Variants in PTPRK observed in about 807,000 individuals in gnomAD.
The protein encoded by PTPRK is protein tyrosine phosphatase receptor type K, also known as receptor-type tyrosine-protein phosphatase kappa.
A neutral mutation model predicts 178.0 loss-of-function variants in PTPRK; 75 were observed. The ratio of observed to expected loss-of-function variants is 0.42; its 90% confidence interval spans 0.35 to 0.51. PTPRK has a LOEUF of 0.51. Among genes scored for constraint, PTPRK ranks in the 20% least tolerant of loss-of-function variants. The pLI is 0.02. For synonymous variants in PTPRK, 637 were observed against 620.6 expected (o/e 1.03, Z -0.39); for missense variants, 1,441 against 1,797.8 (o/e 0.80, Z 3.59).
At chr6:128,368,934 A>G (rs1835884386) in intron 2 of PTPRK, among the ~76,000 whole-genome samples, 1 of 149,196 alleles carries the variant, frequency 6.7e-6, no homozygotes, top group Non-Finnish European at 1.5e-5. Flanking sequence ...ACAAAACAAA[A>G]CAAAAAACAA....
intron 3 of PTPRK, among the ~76,000 whole-genome samples, chr6:128,284,361 C>G (rs1291901570): frequency 6.6e-6 from 1 of 152,154 alleles, no homozygotes; most frequent in African/African-American, 2.4e-5. Flanking sequence ...CCCCAGCCAC[C>G]CTTCACAATC....
chr6:128,000,059 T>A, intron 15 of PTPRK: 1 of 968,270 alleles, frequency 1.0e-6, no homozygotes, highest in African/African-American at 1.8e-5. Flanking sequence ...CTCATATTTA[T>A]CACATTTAAA....
intron 22 of PTPRK, 119 bp from the exon 23 acceptor site, chr6:127,983,496 A>G (rs1415785122): frequency 2.9e-6 from 3 of 1,040,816 alleles, no homozygotes; most frequent in Non-Finnish European, 4.2e-6. Flanking sequence ...ACTGCAAGGC[A>G]CAGCACTTGT....
intron 11 of PTPRK, 66 bp from the exon 12 acceptor site, chr6:128,067,858 A>G (rs912354066): frequency 7.1e-7 from 1 of 1,403,776 alleles, no homozygotes; most frequent in Non-Finnish European, 9.4e-7. Flanking sequence ...TAAGATACTA[A>G]GATTTTTTTT....
At chr6:128,428,620 A>G (rs1295882393) in intron 1 of PTPRK, among the ~76,000 whole-genome samples, 1 of 152,222 alleles carries the variant, frequency 6.6e-6, no homozygotes, top group African/African-American at 2.4e-5. Context: ...CAGACAAACT[A>G]ACAGCAAGTA....
intron 1 of PTPRK, among the ~76,000 whole-genome samples, chr6:128,420,524 C>T (rs1003242658): frequency 2.0e-5 from 3 of 152,108 alleles, no homozygotes; most frequent in Admixed American, 1.3e-4. Context: ...TTTGCCATTG[C>T]CCTCAGAATG....
chr6:128,250,785 A>G (rs920049714), intron 3 of PTPRK, among the ~76,000 whole-genome samples: 2 of 152,220 alleles, frequency 1.3e-5, no homozygotes, highest in Admixed American at 1.3e-4. Context: ...GAATCTAGTT[A>G]CTTTTCAAAT....
chr6:128,057,491 G>A (rs1365323852), intron 13 of PTPRK, among the ~76,000 whole-genome samples: 1 of 152,172 alleles, frequency 6.6e-6, no homozygotes, highest in African/African-American at 2.4e-5. Context: ...GCAAGAAGGG[G>A]TCCATGTGAC....
chr6:128,441,678 C>T (rs138437824), intron 1 of PTPRK, among the ~76,000 whole-genome samples: 53 of 152,164 alleles, frequency 3.5e-4, no homozygotes, highest in African/African-American at 1.1e-3. Flanking sequence ...TAACACAGTC[C>T]GCAAACAAGG....
At chr6:128,165,713 A>G (rs1329991172) in intron 7 of PTPRK, among the ~76,000 whole-genome samples, 1 of 151,386 alleles carries the variant, frequency 6.6e-6, no homozygotes, top group Non-Finnish European at 1.5e-5. Context: ...ATTTTCAAAT[A>G]TGTCTCTGCC....
intron 7 of PTPRK, among the ~76,000 whole-genome samples, chr6:128,098,981 T>C (rs532187926): frequency 6.6e-6 from 1 of 152,032 alleles, no homozygotes; most frequent in South Asian, 2.1e-4. Context: ...GGAATAATAA[T>C]TCTATAAATA....
At chr6:128,262,541 A>C (rs1818325781) in intron 3 of PTPRK, among the ~76,000 whole-genome samples, 1 of 152,080 alleles carries the variant, frequency 6.6e-6, no homozygotes. Context: ...CATATAGGTA[A>C]GCCCTAAACT....
At chr6:128,284,239 C>A (rs1822114958) in intron 3 of PTPRK, among the ~76,000 whole-genome samples, 1 of 152,182 alleles carries the variant, frequency 6.6e-6, no homozygotes, top group Non-Finnish European at 1.5e-5. Context: ...ACTATGATGT[C>A]TCTCTCCTGC....
At chr6:128,118,128 A>G (rs1175539177) in intron 7 of PTPRK, among the ~76,000 whole-genome samples, 2 of 152,220 alleles carry the variant, frequency 1.3e-5, no homozygotes, top group East Asian at 1.9e-4. Flanking sequence ...GCAAACAACA[A>G]TAATACCAAT....
chr6:128,242,687 A>G, intron 3 of PTPRK, 85 bp from the exon 4 acceptor site: 1 of 1,500,810 alleles, frequency 6.7e-7, no homozygotes, highest in Non-Finnish European at 8.8e-7. Context: ...TATATGCAAA[A>G]GTAAATCTAA....
intron 6 of PTPRK, among the ~76,000 whole-genome samples, chr6:128,194,333 G>A (rs952809849): frequency 2.6e-5 from 4 of 152,018 alleles, no homozygotes; most frequent in Admixed American, 2.0e-4. Flanking sequence ...TGATCCACCC[G>A]CCTCAGCCTC....
At chr6:128,374,527 G>A (rs1258194664) in intron 2 of PTPRK, among the ~76,000 whole-genome samples, 1 of 152,074 alleles carries the variant, frequency 6.6e-6, no homozygotes, top group Admixed American at 6.6e-5. Flanking sequence ...CAGTGCTCAG[G>A]CTAAAACAAT....
intron 1 of PTPRK, among the ~76,000 whole-genome samples, chr6:128,507,649 A>G (rs1219361189): frequency 6.6e-6 from 1 of 152,128 alleles, no homozygotes; most frequent in Non-Finnish European, 1.5e-5. Flanking sequence ...GAGAGGGCTG[A>G]TCAAAGTCCA....
At chr6:128,173,913 A>G (rs1800668122) in intron 7 of PTPRK, among the ~76,000 whole-genome samples, 1 of 152,026 alleles carries the variant, frequency 6.6e-6, no homozygotes, top group South Asian at 2.1e-4. Context: ...TTCTAATAAA[A>G]ATTCAAATAA....
Sources: allele counts gnomAD v4.1 joint callset (sites outside exome capture counted in the v4.1 genomes callset), GRCh38; gene constraint gnomAD v4.1.1; transcripts MANE v1.5; gene names NCBI Gene and HGNC (gene_info 2026-07-23, HGNC 2026-07-21).